YWHAB: variants seen among roughly 807,000 people sequenced by gnomAD.
YWHAB encodes the protein tyrosine 3-monooxygenase/tryptophan 5-monooxygenase activation protein beta.
YWHAB carries 2 observed loss-of-function variants against 28.5 expected under a neutral mutation model. The observed-to-expected ratio is 0.07, with a 90% CI of 0.03 to 0.22. The LOEUF (loss-of-function observed/expected upper bound fraction) is 0.22, where lower values mean the gene tolerates loss of function less well. Ranked by LOEUF, YWHAB falls within the 10% of genes least tolerant of loss-of-function variation. YWHAB has a pLI of 1.00. For synonymous variants in YWHAB, 103 were observed against 104.7 expected, an observed-to-expected ratio of 0.98 and a Z score of 0.10; for missense variants, 148 against 297.1, an observed-to-expected ratio of 0.50 and a Z score of 3.69.
intron 1 of YWHAB, among the ~76,000 whole-genome samples, chr20:44,890,319 G>C (rs2066552868): frequency 6.6e-6 from 1 of 152,108 alleles, no homozygotes; most frequent in Non-Finnish European, 1.5e-5. Context: ...TCAAAAAGTA[G>C]TCTAAGACAA....
intron 3 of YWHAB, 35 bp from the exon 4 acceptor site, chr20:44,904,933 A>G: frequency 3.9e-6 from 6 of 1,556,808 alleles, no homozygotes; most frequent in Middle Eastern, 3.4e-4. Context: ...CTATGAAAGA[A>G]CCGAGCCTTT....
chr20:44,905,890 C>T lies in YWHAB; in HGVS notation c.589-111C>T, dbSNP rs538185332. On this transcript the variant is annotated intron_variant, in intron 4 of 5. Coordinates refer to ENST00000353703, the MANE Select transcript of YWHAB (RefSeq NM_139323.4). ...GACAGGGTAATAATAGCCTAGGTTC[C>T]CCCAAAGTACTGTACAAGAAGATAA... 9 of 751,770 alleles carry T rather than the reference C, an allele frequency of 1.2e-5. No homozygotes were observed. The South Asian group carries it at 1.4e-4, about 12-fold the overall frequency. 46.6% of individuals were successfully genotyped at this position (751,770 alleles called of 1,614,324 possible).
Position 44,901,821 on chromosome 20 carries a change from C to A in YWHAB, c.288C>A (p.Cys96Ter). The change falls in exon 2 of 6, where the codon TGC becomes TGA. Residue 96 changes from cysteine (C) to a stop codon, truncating the protein, a stop_gained. Coordinates refer to ENST00000353703, the MANE Select transcript of YWHAB (RefSeq NM_139323.4). LOFTEE classifies it high-confidence loss of function. The stretch of plus-strand genomic sequence containing the variant: ...TAGAGGCAGAACTGCAGGACATCTG[C>A]AATGATGTTCTGGTAAGAGGCCAGT... Reference protein sequence around the residue: ...EKIEAELQDICNDVLELLDKY... With the variant: ...EKIEAELQDI The A allele has an allele frequency of 6.3e-7, 1 of 1,597,034 alleles. No homozygotes were observed. The highest frequency in any genetic ancestry group is 8.6e-7 in the Non-Finnish European group (1 of 1,166,864).
At chr20:44,901,402 G>A in intron 1 of YWHAB, 129 bp from the exon 2 acceptor site, 1 of 938,518 alleles carries the variant, frequency 1.1e-6, no homozygotes, top group Admixed American at 2.4e-5. Context: ...TATTGTTGAT[G>A]GCATTTGGAA....
chr20:44,903,911 C>T, intron 2 of YWHAB, 82 bp from the exon 3 acceptor site: 1 of 1,461,960 alleles, frequency 6.8e-7, no homozygotes, highest in Non-Finnish European at 9.2e-7. Context: ...TATTTAGAAG[C>T]AGTAGTGTAT....
At position 44,901,576 on chromosome 20, in the gene YWHAB, G is replaced by T. The variant is rs745844801; in HGVS notation, c.43G>T (p.Ala15Ser). 6 of 1,608,774 alleles carry T rather than the reference G, an allele frequency of 3.7e-6. No homozygotes were observed. Among genetic ancestry groups the T allele is most frequent in the Non-Finnish European group, 4.3e-6 (5 of 1,175,506 alleles). Residue 15 changes from alanine to serine, a missense_variant, in exon 2 of 6, where the codon GCT becomes TCT. Ala to Ser is a moderately conservative substitution (Grantham distance 99, BLOSUM62 1). Coordinates refer to ENST00000353703, the MANE Select transcript of YWHAB (RefSeq NM_139323.4). ...KSELVQKAKL[A>S]EQAERYDDMA... ...TGAGCTGGTACAGAAAGCCAAACTCGCTGAGCAGGCTGAGCGATATGATGA... is the reference window on the plus strand; with the variant it reads ...TGAGCTGGTACAGAAAGCCAAACTCTCTGAGCAGGCTGAGCGATATGATGA...
intron 1 of YWHAB, among the ~76,000 whole-genome samples, chr20:44,896,505 A>G (rs2145530760): frequency 6.6e-6 from 1 of 152,366 alleles, no homozygotes; most frequent in South Asian, 2.1e-4. Context: ...TGTGGAAGGC[A>G]TGATGTGGGG....
chr20:44,894,154 T>C (rs997957846), intron 1 of YWHAB, among the ~76,000 whole-genome samples: 2 of 152,166 alleles, frequency 1.3e-5, no homozygotes, highest in Admixed American at 6.5e-5. Context: ...CATCATCATA[T>C]AGGTGTGCTG....
Position 44,893,978 on chromosome 20 carries a change from T to C in YWHAB, c.-3-7553T>C, listed in dbSNP as rs1376661672. Among the ~76,000 whole-genome samples, 11 of 152,208 alleles carry C rather than the reference T, an allele frequency of 7.2e-5. 1 individual carries two copies. The highest frequency in any genetic ancestry group is 1.6e-4 in the Non-Finnish European group (11 of 68,044). ...TCCCAAAGTGCTGGGATTACACACGTAAGCCAGTGCACCTGGCCAGTCTCC... is the reference window on the plus strand; with the variant it reads ...TCCCAAAGTGCTGGGATTACACACGCAAGCCAGTGCACCTGGCCAGTCTCC... On this transcript the variant is annotated intron_variant, in intron 1 of 5. Transcript: ENST00000353703.
intron 4 of YWHAB, 86 bp from the exon 5 acceptor site, chr20:44,905,913 TAA>T: frequency 1.1e-6 from 1 of 950,864 alleles, no homozygotes; most frequent in Non-Finnish European, 1.7e-6. Context: ...TACAAGAAGA[TAA>T]GTTATATTCA....
intron 2 of YWHAB, 195 bp downstream of exon 2, chr20:44,902,028 A>G (rs953178556): frequency 1.9e-6 from 1 of 518,524 alleles, no homozygotes; most frequent in African/African-American, 1.9e-5. Flanking sequence ...GTTGTACATC[A>G]CTTCTGAGAT....
intron 3 of YWHAB, among the ~76,000 whole-genome samples, chr20:44,904,755 C>G (rs918387478): frequency 1.1e-4 from 16 of 152,200 alleles, no homozygotes; most frequent in African/African-American, 3.9e-4. Context: ...TAGACTTTGT[C>G]ATAATTGTTT....
intron 1 of YWHAB, among the ~76,000 whole-genome samples, chr20:44,899,952 A>G (rs1219373023): frequency 6.6e-6 from 1 of 152,138 alleles, no homozygotes; most frequent in East Asian, 1.9e-4. Flanking sequence ...TTAGTGCCTG[A>G]TATTTTTATA....
At chr20:44,903,467 G>A (rs1333544903) in intron 2 of YWHAB, 2 of 152,296 alleles carry the variant, frequency 1.3e-5, no homozygotes, top group African/African-American at 4.8e-5. Context: ...AATTATAGAA[G>A]TAATACCAGT....
chr20:44,895,444 A>G (rs1005410738), intron 1 of YWHAB, among the ~76,000 whole-genome samples: 2 of 152,196 alleles, frequency 1.3e-5, no homozygotes, highest in African/African-American at 4.8e-5. Flanking sequence ...GTAAGGACAA[A>G]GGCAAGACTA....
chr20:44,903,171 T>A, intron 2 of YWHAB: 1 of 859,728 alleles, frequency 1.2e-6, no homozygotes, highest in Non-Finnish European at 1.4e-6. Context: ...TTAGCTACTC[T>A]TTGAGTGCTT....
intron 4 of YWHAB, 184 bp downstream of exon 4, chr20:44,905,315 T>C: frequency 2.0e-6 from 1 of 512,410 alleles, no homozygotes; most frequent in Non-Finnish European, 3.2e-6. Flanking sequence ...CAATACCTTC[T>C]GCTGACTTTG....
Position 44,904,973 on chromosome 20 carries a change from G to T in YWHAB, c.430G>T (p.Val144Leu). ...VASGDNKQTTVSNSQQAYQEA... is the reference protein window; with the variant it reads ...VASGDNKQTTLSNSQQAYQEA... ...TTTTCATCTTTATGTTACAGCCACTGTGTCGAACTCCCAGCAGGCTTACCA... is the reference window on the plus strand; with the variant it reads ...TTTTCATCTTTATGTTACAGCCACTTTGTCGAACTCCCAGCAGGCTTACCA... The change falls in exon 4 of 6, where the codon GTG becomes TTG. Residue 144 changes from valine (V) to leucine (L), a missense_variant. This residue lies in a region of YWHAB where 110 missense variants were observed against 177.9 expected (regional missense o/e 0.62). Transcript: ENST00000353703. 6.3e-7 allele frequency: 1 copy of T among 1,597,038 alleles called. No individual in the cohort carries two copies. The highest frequency in any genetic ancestry group is 2.2e-5 in the East Asian group (1 of 44,452).
chr20:44,886,248 C>G (rs1251618209), intron 1 of YWHAB: 2 of 152,320 alleles, frequency 1.3e-5, no homozygotes, highest in Non-Finnish European at 2.9e-5. Context: ...AAGAACGTCC[C>G]CTTCAGCCCT....
Sources: gnomAD v4.1 joint callset for allele counts (sites outside exome capture counted in the v4.1 genomes callset) on GRCh38, gnomAD v4.1.1 for gene constraint, gnomAD v4.1.1 regional missense constraint, MANE v1.5 for transcripts, NCBI Gene and HGNC (gene_info 2026-07-23, HGNC 2026-07-21) for gene names.